Variants in KIF3C observed in about 807,000 individuals in gnomAD.
The protein encoded by KIF3C is kinesin family member 3C, also known as kinesin-like protein KIF3C.
KIF3C carries 12 observed loss-of-function variants against 67.7 expected under a neutral mutation model. The observed-to-expected ratio is 0.18, with a 90% CI of 0.11 to 0.29. The LOEUF (loss-of-function observed/expected upper bound fraction) is 0.29. Ranked by LOEUF, KIF3C falls within the 10% of genes least tolerant of loss-of-function variation. The probability of loss-of-function intolerance (pLI) is 1.00; values close to 1 mark genes in which losing one functional copy is unlikely to be tolerated. For missense variants in KIF3C, 789 were observed against 1,059.6 expected (o/e 0.74, Z 3.55); for synonymous variants, 393 against 426.2 (o/e 0.92, Z 0.96).
chr2:25,969,292 T>C (rs1487016144), intron 1 of KIF3C, among the ~76,000 whole-genome samples: 2 of 152,296 alleles, frequency 1.3e-5, no homozygotes, highest in East Asian at 3.9e-4. Flanking sequence ...TTAACATATA[T>C]CTTTTATATG....
chr2:25,974,290 A>C (rs1664356945), intron 1 of KIF3C, among the ~76,000 whole-genome samples: 1 of 152,066 alleles, frequency 6.6e-6, no homozygotes, highest in Non-Finnish European at 1.5e-5. Context: ...GGCTGGTCTC[A>C]GTCTCCTGAC....
intron 5 of KIF3C, among the ~76,000 whole-genome samples, chr2:25,935,106 T>C (rs1408032284): frequency 1.1e-4 from 16 of 151,990 alleles, no homozygotes. Flanking sequence ...TAGCCGGGCA[T>C]GGTGGCTCAC....
In KIF3C at chr2:25,958,918, T is replaced by C. The variant is rs759606682; in HGVS notation, c.1546-2474A>G. ...GGAGAAACCCCATCTCTACTAAAAA[T>C]ACAAAATTAGCTGGGCATAATGGCA... On this transcript the variant is annotated intron_variant, in intron 1 of 7. Transcript: ENST00000264712. This position sits in a 1 kb window ranked among gnomAD's most constrained non-coding sequence, Gnocchi z 4.5. Among the ~76,000 whole-genome samples the C allele has an allele frequency of 6.6e-6, 1 of 151,730 alleles. No homozygotes were observed. Among genetic ancestry groups the C allele is most frequent in the African/African-American group, 2.4e-5 (1 of 41,324 alleles).
intron 3 of KIF3C, 73 bp from the exon 4 acceptor site, chr2:25,954,458 C>T: frequency 9.0e-7 from 1 of 1,106,432 alleles, no homozygotes; most frequent in South Asian, 1.3e-5. Flanking sequence ...GCCTGGGCCG[C>T]AGGGCTGCAG....
chr2:25,962,831 T>C (rs1170809955), intron 1 of KIF3C, among the ~76,000 whole-genome samples: 1 of 69,480 alleles, frequency 1.4e-5, no homozygotes, highest in Non-Finnish European at 2.5e-5. Flanking sequence ...ATATAAAATA[T>C]ATAAAATATA....
chr2:25,980,691 GCTGCTCTTCCTC>G lies in KIF3C; in HGVS notation c.1215_1226del (p.Lys407_Arg410del), dbSNP rs1664548225. 1 of 1,614,010 alleles carries G rather than the reference GCTGCTCTTCCTC, an allele frequency of 6.2e-7. No homozygotes were observed. Among genetic ancestry groups the G allele is most frequent in the Non-Finnish European group, 8.5e-7 (1 of 1,180,032 alleles). On this transcript the variant is annotated inframe_deletion, in exon 1 of 8. Transcript: ENST00000264712. This position sits in a 1 kb window ranked among gnomAD's most constrained non-coding sequence, Gnocchi z 7.6. ...GGGCGGACACGGCCTTCTTCCTGCG[GCTGCTCTTCCTC>G]CGGGGCCGCTTCCCCAGCATCCCCC...
chr2:25,946,909 C>T lies in KIF3C; in HGVS notation c.2006+4880G>A, dbSNP rs370707597. ...GGCTCACGCCTGTATCCCAGCACTT[C>T]GGGAGGCCGAGGTAGGCGGATCACC... On this transcript the variant is annotated intron_variant, in intron 5 of 7. Transcript: ENST00000264712. Among the ~76,000 whole-genome samples the T allele has an allele frequency of 9.3e-5, 14 of 151,322 alleles. No individual in the cohort carries two copies. The East Asian group carries it at 1.6e-3, about 17-fold the overall frequency.
chr2:25,951,756 C>A (rs780833856), intron 5 of KIF3C, 33 bp downstream of exon 5: 1 of 1,477,388 alleles, frequency 6.8e-7, no homozygotes, highest in Non-Finnish European at 9.5e-7. Context: ...ACCCACAAGT[C>A]CCCCAGCCCA....
intron 1 of KIF3C, among the ~76,000 whole-genome samples, chr2:25,964,700 C>T (rs76435409): frequency 0.076 from 11,575 of 152,200 alleles, 503 homozygotes; most frequent in African/African-American, 0.093. Flanking sequence ...GTTTATTCAG[C>T]CTCCACCTTC....
chr2:25,971,871 C>CTTTTTTTTTTT lies in KIF3C; in HGVS notation c.1545+8491_1545+8501dup, dbSNP rs70950146. 6.1e-3 allele frequency among the ~76,000 whole-genome samples: 329 copies of CTTTTTTTTTTT among 53,744 alleles called. 9 individuals are homozygous for CTTTTTTTTTTT. The highest frequency in any genetic ancestry group is 9.7e-3 in the African/African-American group (132 of 13,668). The allele number at this position is 53,744 out of a possible 152,430, so 35.3% of individuals were successfully genotyped here. A position where few individuals can be genotyped will look rare whatever the true frequency, so the allele number is the denominator to read the frequency against. ...TACAGGCATGCAGTACCATGCCTAG[C>CTTTTTTTTTTT]TTTTTTTTTTTTTTTTTTTTTTTTT... On this transcript the variant is annotated intron_variant, in intron 1 of 7. Coordinates refer to ENST00000264712, the MANE Select transcript of KIF3C (RefSeq NM_002254.8).
At chr2:25,940,232 C>T (rs1027865380) in intron 5 of KIF3C, among the ~76,000 whole-genome samples, 3 of 152,042 alleles carry the variant, frequency 2.0e-5, no homozygotes, top group Non-Finnish European at 4.4e-5. Context: ...TATTGTTATC[C>T]CCACTTTACA....
intron 1 of KIF3C, among the ~76,000 whole-genome samples, chr2:25,963,069 C>T: frequency 1.2e-5 from 1 of 85,208 alleles, no homozygotes; most frequent in African/African-American, 4.5e-5. Flanking sequence ...TATATATACA[C>T]ACATACACAC....
chr2:25,970,910 G>A (rs1339886212), intron 1 of KIF3C, among the ~76,000 whole-genome samples: 2 of 148,412 alleles, frequency 1.3e-5, no homozygotes, highest in Non-Finnish European at 3.0e-5. Context: ...TGGATCATGA[G>A]GTCAGGAGAT....
chr2:25,972,527 T>G (rs1240583314), intron 1 of KIF3C, among the ~76,000 whole-genome samples: 1 of 151,546 alleles, frequency 6.6e-6, no homozygotes, highest in Non-Finnish European at 1.5e-5. Context: ...CAGCCTGGAG[T>G]ATGGGTCACT....
chr2:25,972,301 A>G (rs1664304450), intron 1 of KIF3C, among the ~76,000 whole-genome samples: 1 of 152,152 alleles, frequency 6.6e-6, no homozygotes, highest in African/African-American at 2.4e-5. Context: ...CTGGACCAAA[A>G]GGCCTGCTGA....
chr2:25,955,171 G>C lies in KIF3C; in HGVS notation c.1770+370C>G, dbSNP rs763564533. ...ACACTCCCCACCTGAGCTTCCCGGG[G>C]TTCCAGTCTCCTCCTCAGCCTCTCT... On this transcript the variant is annotated intron_variant, in intron 3 of 7. Coordinates refer to ENST00000264712, the MANE Select transcript of KIF3C (RefSeq NM_002254.8). This position sits in a 1 kb window ranked among gnomAD's most constrained non-coding sequence, Gnocchi z 5.0. 3.9e-5 allele frequency among the ~76,000 whole-genome samples: 6 copies of C among 152,082 alleles called. No homozygotes were observed. The highest frequency in any genetic ancestry group is 6.6e-5 in the Admixed American group (1 of 15,242).
Position 25,930,054 on chromosome 2 carries a change from G to A in KIF3C, c.2016C>T (p.Ser672=). ...CAGATGTTGGCCGCTTCTTCATCTG[G>A]CTGCTACTGCTGTAGGAAAGAGGCT... ...QPLVPAGVSS[S]QMKKRPTSAV... Residue 672 remains serine (S), a synonymous_variant, in exon 6 of 8, where the codon AGC becomes AGT. Coordinates refer to ENST00000264712, the MANE Select transcript of KIF3C (RefSeq NM_002254.8). 6.2e-7 allele frequency: 1 copy of A among 1,613,114 alleles called. No individual in the cohort carries two copies. Among genetic ancestry groups the A allele is most frequent in the Non-Finnish European group, 8.5e-7 (1 of 1,179,066 alleles).
In KIF3C at chr2:25,975,718, G is replaced by C. The variant is rs1664395102; in HGVS notation, c.1545+4655C>G. Among the ~76,000 whole-genome samples, 3 of 152,064 alleles carry C rather than the reference G, an allele frequency of 2.0e-5. No individual in the cohort carries two copies. The South Asian group carries it at 6.2e-4, about 32-fold the overall frequency. ...TCAGGCCTGTAATCCCAGCACTTTG[G>C]GAGGCTGAGGCGGGTGGATCATGAG... On this transcript the variant is annotated intron_variant, in intron 1 of 7. Transcript: ENST00000264712.
At position 25,930,767 on chromosome 2, in the gene KIF3C, G is replaced by A. The variant is rs891135379; in HGVS notation, c.2007-704C>T. 2.0e-5 allele frequency among the ~76,000 whole-genome samples: 3 copies of A among 152,202 alleles called. 1 individual carries two copies. In the East Asian group the frequency reaches 5.8e-4, roughly 29 times the overall value. The stretch of plus-strand genomic sequence containing the variant: ...TTGGTCAGGCTGGTCTCGAACTCCC[G>A]ACCTCAGGTGATCCACCCACCTCAA... On this transcript the variant is annotated intron_variant, in intron 5 of 7. Transcript: ENST00000264712.
Sources: allele counts gnomAD v4.1 joint callset (sites outside exome capture counted in the v4.1 genomes callset), GRCh38; gene constraint gnomAD v4.1.1; non-coding constraint Gnocchi (gnomAD v3.1); transcripts MANE v1.5; gene names NCBI Gene and HGNC (gene_info 2026-07-23, HGNC 2026-07-21).